LRMDA: variants seen among roughly 807,000 people sequenced by gnomAD.
LRMDA encodes the protein leucine-rich melanocyte differentiation-associated protein.
LRMDA carries 18 observed loss-of-function variants against 29.8 expected under a neutral mutation model. That is an observed-to-expected ratio of 0.60 (90% CI 0.42 to 0.90). The LOEUF is 0.90. Ranked by LOEUF, LRMDA falls within the 40% of genes least tolerant of loss-of-function variation. The probability of loss-of-function intolerance (pLI) is 0.00; values close to 1 mark genes in which losing one functional copy is unlikely to be tolerated. For synonymous variants in LRMDA, 125 were observed against 109.4 expected (o/e 1.14, Z -0.89); for missense variants, 273 against 273.9 (o/e 1.00, Z 0.02).
At chr10:76,417,237 C>T (rs1230338475) in intron 6 of LRMDA, among the ~76,000 whole-genome samples, 1 of 152,132 alleles carries the variant, frequency 6.6e-6, no homozygotes, top group African/African-American at 2.4e-5. Context: ...CAGCACAAGG[C>T]AATATGCTGA....
At chr10:75,820,902 A>C (rs958283877) in intron 2 of LRMDA, among the ~76,000 whole-genome samples, 1 of 152,242 alleles carries the variant, frequency 6.6e-6, no homozygotes, top group Non-Finnish European at 1.5e-5. Flanking sequence ...TGTACAAACT[A>C]GAAAATCTAA....
intron 2 of LRMDA, among the ~76,000 whole-genome samples, chr10:75,901,704 T>C (rs1176336992): frequency 6.6e-6 from 1 of 152,234 alleles, no homozygotes; most frequent in Non-Finnish European, 1.5e-5. Context: ...ATGATTCTAA[T>C]GAAAGCTTCT....
intron 5 of LRMDA, among the ~76,000 whole-genome samples, chr10:76,087,510 G>A (rs1333709264): frequency 1.3e-5 from 2 of 152,160 alleles, no homozygotes; most frequent in African/African-American, 2.4e-5. Context: ...ACCCAGCAAG[G>A]TTAGTCATAC....
intron 2 of LRMDA, among the ~76,000 whole-genome samples, chr10:75,806,218 C>T (rs1415333106): frequency 6.6e-6 from 1 of 152,170 alleles, no homozygotes; most frequent in Non-Finnish European, 1.5e-5. Context: ...TCCCACCAGG[C>T]CCCACCTCCA....
chr10:75,801,405 AG>A (rs1843741767), intron 2 of LRMDA, among the ~76,000 whole-genome samples: 3 of 152,200 alleles, frequency 2.0e-5, no homozygotes, highest in Admixed American at 2.0e-4. Context: ...AGTGGCCTCA[AG>A]GGGAAAAGCC....
chr10:76,034,446 T>C (rs551278669), intron 2 of LRMDA, among the ~76,000 whole-genome samples: 33 of 151,988 alleles, frequency 2.2e-4, no homozygotes, highest in Admixed American at 2.1e-3. Flanking sequence ...GGGCTGGCAG[T>C]GTTGGTTGGA....
intron 5 of LRMDA, among the ~76,000 whole-genome samples, chr10:76,267,396 T>G (rs1342320019): frequency 6.6e-6 from 1 of 152,192 alleles, no homozygotes; most frequent in African/African-American, 2.4e-5. Context: ...ATTCAAAGTG[T>G]TGTGCGACCA....
intron 2 of LRMDA, among the ~76,000 whole-genome samples, chr10:75,484,123 T>G (rs910591482): frequency 6.6e-6 from 1 of 152,054 alleles, no homozygotes; most frequent in African/African-American, 2.4e-5. Context: ...ACCTGGCTAA[T>G]TTTTGTATTT....
intron 6 of LRMDA, among the ~76,000 whole-genome samples, chr10:76,531,607 A>T (rs1182868695): frequency 6.6e-6 from 1 of 152,108 alleles, no homozygotes; most frequent in Admixed American, 6.6e-5. Context: ...TTGAATATTG[A>T]ACCAACCTTG....
At chr10:75,656,729 G>C (rs757381310) in intron 2 of LRMDA, among the ~76,000 whole-genome samples, 10 of 152,166 alleles carry the variant, frequency 6.6e-5, no homozygotes, top group African/African-American at 2.4e-4. Flanking sequence ...CCTCTGTTAA[G>C]AGATTAGAAT....
intron 6 of LRMDA, among the ~76,000 whole-genome samples, chr10:76,338,859 A>C (rs1431311725): frequency 6.6e-6 from 1 of 152,220 alleles, no homozygotes. Flanking sequence ...ATAAGACTCA[A>C]GATGATTACT....
intron 5 of LRMDA, among the ~76,000 whole-genome samples, chr10:76,202,725 G>A (rs1851455767): frequency 6.6e-6 from 1 of 151,890 alleles, no homozygotes; most frequent in Non-Finnish European, 1.5e-5. Context: ...TTGTGTCAAG[G>A]AGTTTAGCTC....
chr10:76,108,860 T>C (rs912688722), intron 5 of LRMDA, among the ~76,000 whole-genome samples: 2 of 152,172 alleles, frequency 1.3e-5, no homozygotes, highest in African/African-American at 4.8e-5. Context: ...AGTATATTTG[T>C]CTTATTTCTT....
chr10:75,938,306 G>C (rs115763808), intron 2 of LRMDA, among the ~76,000 whole-genome samples: 3 of 152,180 alleles, frequency 2.0e-5, no homozygotes, highest in African/African-American at 7.2e-5. Flanking sequence ...AATTTGCCAC[G>C]TTACCTCCTA....
At chr10:75,744,030 T>C (rs1842862698) in intron 2 of LRMDA, among the ~76,000 whole-genome samples, 1 of 152,196 alleles carries the variant, frequency 6.6e-6, no homozygotes, top group Non-Finnish European at 1.5e-5. Context: ...TTGAAACAGT[T>C]GGGCCCCATA....
chr10:75,815,362 T>C (rs767057726), intron 2 of LRMDA, among the ~76,000 whole-genome samples: 6 of 152,334 alleles, frequency 3.9e-5, no homozygotes, highest in Non-Finnish European at 8.8e-5. Flanking sequence ...TGGGGCAGCA[T>C]AGAGTAATAA....
At chr10:75,967,958 A>G (rs1846896314) in intron 2 of LRMDA, among the ~76,000 whole-genome samples, 1 of 152,150 alleles carries the variant, frequency 6.6e-6, no homozygotes, top group South Asian at 2.1e-4. Context: ...ACTCCCTACT[A>G]CTGCCTCCTG....
intron 6 of LRMDA, among the ~76,000 whole-genome samples, chr10:76,481,320 A>G (rs898769871): frequency 2.0e-5 from 3 of 151,658 alleles, no homozygotes; most frequent in Non-Finnish European, 4.4e-5. Context: ...GGCCTCTGCA[A>G]TGGGCCTGAA....
chr10:76,481,256 C>T (rs141071845), intron 6 of LRMDA, among the ~76,000 whole-genome samples: 2 of 151,812 alleles, frequency 1.3e-5, no homozygotes, highest in Non-Finnish European at 2.9e-5. Context: ...CATCTCAGAC[C>T]CAGTGTTTGA....
Sources: allele counts gnomAD v4.1 joint callset (sites outside exome capture counted in the v4.1 genomes callset), GRCh38; gene constraint gnomAD v4.1.1; transcripts MANE v1.5; gene names NCBI Gene and HGNC (gene_info 2026-07-23, HGNC 2026-07-21).